Variants in GAK observed in about 807,000 individuals in gnomAD.
GAK encodes the protein cyclin G associated kinase, also known as cyclin-G-associated kinase.
Under a neutral mutation model 143.9 loss-of-function variants are expected in GAK, and 79 were observed. That is an observed-to-expected ratio of 0.55 (90% CI 0.46 to 0.66). GAK has a LOEUF of 0.66. GAK is among the 30% of genes least tolerant of loss of function. The pLI, the probability that GAK is intolerant of heterozygous loss-of-function variation, is 0.00. For missense variants in GAK, 1,693 were observed against 1,779.7 expected, an observed-to-expected ratio of 0.95 and a Z score of 0.88; for synonymous variants, 881 against 765.5, an observed-to-expected ratio of 1.15 and a Z score of -2.49.
At chr4:861,094 C>T (rs970998640) in intron 23 of GAK, among the ~76,000 whole-genome samples, 21 of 152,190 alleles carry the variant, frequency 1.4e-4, no homozygotes, top group Admixed American at 7.8e-4. Context: ...ACTGACAACA[C>T]GCTGTGGCTG....
intron 4 of GAK, among the ~76,000 whole-genome samples, chr4:905,874 G>A (rs1720992281): frequency 6.6e-6 from 1 of 152,268 alleles, no homozygotes; most frequent in South Asian, 2.1e-4. Context: ...AGGGCTGCAG[G>A]TATGAGGATG....
chr4:849,833 G>GGGGGGGGGCCCCC, intron 27 of GAK, 59 bp from the exon 28 acceptor site: 1 of 1,190,156 alleles, frequency 8.4e-7, no homozygotes. Context: ...GGCGGGGCAG[G>GGGGGGGGGCCCCC]ACCCCCCCCC....
At chr4:928,605 C>T (rs1002038232) in intron 1 of GAK, among the ~76,000 whole-genome samples, 2 of 152,142 alleles carry the variant, frequency 1.3e-5, no homozygotes, top group African/African-American at 4.8e-5. Context: ...GCCACTGAGC[C>T]CACCTTGGAG....
At chr4:893,322 T>C (rs1436312831) in intron 9 of GAK, 55 bp downstream of exon 9, 15 of 1,275,288 alleles carry the variant, frequency 1.2e-5, no homozygotes, top group South Asian at 4.6e-5. Flanking sequence ...CTGGGGCTCA[T>C]GTGTGCCTCC....
In GAK at chr4:911,736, T is replaced by G. The variant is rs138465573; in HGVS notation, c.319A>C (p.Ile107Leu). The G allele has an allele frequency of 6.2e-7, 1 of 1,613,930 alleles. No individual in the cohort carries two copies. The highest frequency in any genetic ancestry group is 8.5e-7 in the Non-Finnish European group (1 of 1,179,966). The change falls in exon 4 of 28, where the codon ATA becomes CTA. Residue 107 changes from isoleucine to leucine, a missense_variant. Transcript: ENST00000314167. ...NIVQFCSAAS[I>L]GKEESDTGQA... ...CCCGTGTCTGACTCCTCTTTTCCTA[T>G]AGACGCTGCAGAACAAAACTGGACA...
At chr4:910,915 A>G (rs1348965527) in intron 4 of GAK, among the ~76,000 whole-genome samples, 1 of 152,138 alleles carries the variant, frequency 6.6e-6, no homozygotes, top group African/African-American at 2.4e-5. Context: ...TCTGAGGCAC[A>G]GGTCTTGTTT....
chr4:900,453 C>T (rs1288656165), intron 5 of GAK, among the ~76,000 whole-genome samples: 4 of 152,342 alleles, frequency 2.6e-5, no homozygotes, highest in East Asian at 1.9e-4. Context: ...CTCACAGACA[C>T]GGATTCTTCA....
rs1402823878 is a variant in GAK at position 882,776 on chromosome 4, T to G, written c.1448A>C (p.His483Pro). ...GTTCCTGCAGATGTTGTACAGGGTG[T>G]GCAGGTGTGGGGCCCGCCGTGCTGC... Reference protein sequence around the residue: ...GWAARRAPHLHTLYNICRNMH... With the variant: ...GWAARRAPHLPTLYNICRNMH... Residue 483 changes from histidine (H) to proline (P), a missense_variant, in exon 14 of 28, where the codon CAC becomes CCC. Coordinates refer to ENST00000314167, the MANE Select transcript of GAK (RefSeq NM_005255.4). 2.5e-6 allele frequency: 4 copies of G among 1,611,376 alleles called. No individual in the cohort carries two copies. Among genetic ancestry groups the G allele is most frequent in the Non-Finnish European group, 3.4e-6 (4 of 1,179,950 alleles).
At chr4:864,613 C>A (rs1004402778) in intron 23 of GAK, among the ~76,000 whole-genome samples, 2 of 152,122 alleles carry the variant, frequency 1.3e-5, no homozygotes, top group Non-Finnish European at 2.9e-5. Context: ...CTGTACGTGA[C>A]CCCCTTCCTG....
At chr4:850,885 G>C (rs748275740) in intron 26 of GAK, 51 bp downstream of exon 26, 1 of 1,584,024 alleles carries the variant, frequency 6.3e-7, no homozygotes, top group Non-Finnish European at 8.6e-7. Context: ...TGCTCCAGGG[G>C]CCATGGGTTG....
intron 23 of GAK, among the ~76,000 whole-genome samples, chr4:861,669 C>A (rs898499083): frequency 6.6e-5 from 10 of 152,190 alleles, no homozygotes; most frequent in Admixed American, 2.6e-4. Context: ...AGGAAAAGTT[C>A]CTGAAGGAAA....
At chr4:909,649 C>A (rs1721691960) in intron 4 of GAK, among the ~76,000 whole-genome samples, 1 of 151,324 alleles carries the variant, frequency 6.6e-6, no homozygotes, top group Non-Finnish European at 1.5e-5. Flanking sequence ...GAATTTCTCT[C>A]AGGCTGTATA....
intron 18 of GAK, among the ~76,000 whole-genome samples, chr4:873,827 T>C (rs1245793818): frequency 6.6e-6 from 1 of 152,210 alleles, no homozygotes; most frequent in Non-Finnish European, 1.5e-5. Context: ...TTGAGTTTTG[T>C]GTGAGCTTGG....
chr4:866,633 T>C (rs1015768791), intron 21 of GAK, 99 bp from the exon 22 acceptor site: 2 of 1,353,490 alleles, frequency 1.5e-6, no homozygotes, highest in Admixed American at 4.5e-5. Context: ...CCACTCCAGC[T>C]GGGCAGCCCA....
At position 925,375 on chromosome 4, in the gene GAK, A is replaced by G. The variant is rs112926789; in HGVS notation, c.145+6668T>C. 4.6e-4 allele frequency among the ~76,000 whole-genome samples: 70 copies of G among 152,322 alleles called. 1 individual carries two copies. The highest frequency in any genetic ancestry group is 1.6e-3 in the African/African-American group (67 of 41,576). Reference sequence around the variant, plus strand: ...GGACACCTCTCACCAGGATGCGTGTAGGATGCACGGAGCACGCTGGGGACG... The same window carrying G: ...GGACACCTCTCACCAGGATGCGTGTGGGATGCACGGAGCACGCTGGGGACG... On this transcript the variant is annotated intron_variant, in intron 1 of 27. Transcript: ENST00000314167.
At position 904,709 on chromosome 4, in the gene GAK, G is replaced by T; in HGVS notation, c.453C>A (p.Ile151=). The change falls in exon 5 of 28, where the codon ATC becomes ATA. Residue 151 remains isoleucine (I), a synonymous_variant. Transcript: ENST00000314167. ...GPLSCDTVLK[I]FYQTCRAVQH... The stretch of plus-strand genomic sequence containing the variant: ...GCACGGCGCGGCACGTCTGGTAGAA[G>T]ATCTTCAGAACCGTGTCGCACGAAA... The T allele has an allele frequency of 6.2e-7, 1 of 1,614,072 alleles. No homozygotes were observed.
chr4:903,314 A>T (rs56671724), intron 5 of GAK, among the ~76,000 whole-genome samples: 1 of 152,116 alleles, frequency 6.6e-6, no homozygotes, highest in Non-Finnish European at 1.5e-5. Flanking sequence ...GTGACAGGAG[A>T]GATGGGCAGG....
Position 904,780 on chromosome 4 carries a change from C to T in GAK, c.383-1G>A, listed in dbSNP as rs1299806125. On this transcript the variant is annotated splice_acceptor_variant, in intron 4 of 27. Coordinates refer to ENST00000314167, the MANE Select transcript of GAK (RefSeq NM_005255.4). LOFTEE classifies it high-confidence loss of function. ...TTCTTCAAAAATTCCACCAGCTGCC[C>T]TAAAAGAGAATGAAACTCACATGGA... 6.2e-7 allele frequency: 1 copy of T among 1,613,678 alleles called. No homozygotes were observed. Among genetic ancestry groups the T allele is most frequent in the Admixed American group, 1.7e-5 (1 of 59,954 alleles).
chr4:849,669 G>A lies in GAK; in HGVS notation c.*4C>T, dbSNP rs377044603. The A allele has an allele frequency of 8.1e-4, 1,304 of 1,608,248 alleles. 2 individuals are homozygous for A. The highest frequency in any genetic ancestry group is 1.2e-3 in the South Asian group (108 of 90,502). ...CTGTGTGCGCAGCCACCACCACTGCGGCCTCAGAAGAGGGGCCGGGAGCCC... is the reference window on the plus strand; with the variant it reads ...CTGTGTGCGCAGCCACCACCACTGCAGCCTCAGAAGAGGGGCCGGGAGCCC... On this transcript the variant is annotated 3_prime_UTR_variant, in exon 28 of 28. Transcript: ENST00000314167.
Sources: allele counts gnomAD v4.1 joint callset (sites outside exome capture counted in the v4.1 genomes callset), GRCh38; gene constraint gnomAD v4.1.1; transcripts MANE v1.5; gene names NCBI Gene and HGNC (gene_info 2026-07-23, HGNC 2026-07-21).